Variants in PEMT observed in about 807,000 individuals in gnomAD.
PEMT encodes phosphatidylethanolamine N-methyltransferase, also known as phospholipid methyltransferase.
In PEMT, 23 loss-of-function variants were observed where a neutral mutation model predicts 27.4. The observed-to-expected ratio is 0.84, with a 90% CI of 0.60 to 1.19. The LOEUF (loss-of-function observed/expected upper bound fraction) is 1.19. PEMT is among the 50% of genes most tolerant of loss of function. PEMT has a pLI of 0.00. For synonymous variants in PEMT, 137 were observed against 139.1 expected (o/e 0.98, Z 0.11); for missense variants, 307 against 310.1 (o/e 0.99, Z 0.07).
intron 2 of PEMT, among the ~76,000 whole-genome samples, chr17:17,538,450 G>A (rs1243140609): frequency 6.6e-6 from 1 of 152,174 alleles, no homozygotes; most frequent in Non-Finnish European, 1.5e-5. Flanking sequence ...AGCTACTTGA[G>A]AGGCTGAGGC....
chr17:17,589,841 A>T (rs1912503076), intron 1 of PEMT, among the ~76,000 whole-genome samples: 1 of 152,212 alleles, frequency 6.6e-6, no homozygotes, highest in South Asian at 2.1e-4. Context: ...GCAGAAGAAA[A>T]GCAGAATGTT....
At chr17:17,547,781 C>T (rs797005996) in intron 2 of PEMT, among the ~76,000 whole-genome samples, 21 of 152,190 alleles carry the variant, frequency 1.4e-4, no homozygotes, top group African/African-American at 4.1e-4. Context: ...TCCAAGCGCC[C>T]GTGAACTGAA....
intron 2 of PEMT, among the ~76,000 whole-genome samples, chr17:17,540,625 G>A (rs1244518702): frequency 6.6e-6 from 1 of 152,210 alleles, no homozygotes; most frequent in African/African-American, 2.4e-5. Flanking sequence ...GCTGCAGGAT[G>A]AGAGGCCCCA....
chr17:17,529,771 T>C (rs1253170965), intron 2 of PEMT, among the ~76,000 whole-genome samples: 2 of 152,088 alleles, frequency 1.3e-5, no homozygotes, highest in African/African-American at 2.4e-5. Context: ...GAAAGAGCAA[T>C]AGGAACATGG....
chr17:17,516,903 C>T lies in PEMT; in HGVS notation c.321-4249G>A, dbSNP rs557976184. On this transcript the variant is annotated intron_variant, in intron 3 of 6. Coordinates refer to ENST00000255389, the MANE Select transcript of PEMT (RefSeq NM_148172.3). Reference sequence around the variant, plus strand: ...CCCAGTGGCTACCCCAGGCACCTGCCTCGAGGAAATCACTCTGGTGAAGGG... The same window carrying T: ...CCCAGTGGCTACCCCAGGCACCTGCTTCGAGGAAATCACTCTGGTGAAGGG... 4.2e-3 allele frequency among the ~76,000 whole-genome samples: 642 copies of T among 152,250 alleles called. 5 individuals are homozygous for T. The highest frequency in any genetic ancestry group is 0.015 in the African/African-American group (612 of 41,538).
chr17:17,550,108 C>G (rs1260739289), intron 2 of PEMT, among the ~76,000 whole-genome samples: 1 of 152,212 alleles, frequency 6.6e-6, no homozygotes, highest in East Asian at 1.9e-4. Context: ...GAGACTCTCT[C>G]TCCTCGCCAG....
At position 17,512,046 on chromosome 17, in the gene PEMT, C is replaced by T. The variant is rs148613260; in HGVS notation, c.466+463G>A. On this transcript the variant is annotated intron_variant, in intron 4 of 6. Coordinates refer to ENST00000255389, the MANE Select transcript of PEMT (RefSeq NM_148172.3). This position sits in a 1 kb window ranked among gnomAD's most constrained non-coding sequence, Gnocchi z 6.3. ...CACCAGCCCTGCCTGCGGCCAAACACGGCACAAACCACAATCCTGCCTGGC... is the reference window on the plus strand; with the variant it reads ...CACCAGCCCTGCCTGCGGCCAAACATGGCACAAACCACAATCCTGCCTGGC... 3.7e-3 allele frequency among the ~76,000 whole-genome samples: 567 copies of T among 152,284 alleles called. 4 individuals are homozygous for T. The highest frequency in any genetic ancestry group is 0.013 in the African/African-American group (536 of 41,566).
intron 2 of PEMT, among the ~76,000 whole-genome samples, chr17:17,531,620 G>GAAAAAAAAAAAAA (rs1567689662): frequency 4.9e-5 from 1 of 20,472 alleles, no homozygotes; most frequent in Non-Finnish European, 8.3e-5. Flanking sequence ...GCTATCATAT[G>GAAAAAAAAAAAAA]CAAAAAAAAA....
At chr17:17,514,116 T>C (rs1022524494) in intron 3 of PEMT, among the ~76,000 whole-genome samples, 1 of 152,174 alleles carries the variant, frequency 6.6e-6, no homozygotes, top group African/African-American at 2.4e-5. Flanking sequence ...CACCATGAAG[T>C]ATCTTTGTTT....
At chr17:17,550,217 G>A (rs537597215) in intron 2 of PEMT, among the ~76,000 whole-genome samples, 5 of 152,280 alleles carry the variant, frequency 3.3e-5, no homozygotes, top group African/African-American at 1.2e-4. Flanking sequence ...ACAGACGTTC[G>A]TGGTTCTCTG....
Position 17,591,657 on chromosome 17 carries a change from G to A in PEMT, c.-31C>T, listed in dbSNP as rs1447612072. 1 of 1,597,088 alleles carries A rather than the reference G, an allele frequency of 6.3e-7. No individual in the cohort carries two copies. Among genetic ancestry groups the A allele is most frequent in the Non-Finnish European group, 8.5e-7 (1 of 1,172,398 alleles). On this transcript the variant is annotated 5_prime_UTR_variant, in exon 1 of 7. Coordinates refer to ENST00000255389, the MANE Select transcript of PEMT (RefSeq NM_148172.3). ...GGCCGCCTCAGGAGGCACCACGCGG[G>A]CCCCGCTGCAGCCACGCGCCCCCGG... is the stretch of plus-strand genomic sequence containing the variant.
intron 2 of PEMT, among the ~76,000 whole-genome samples, chr17:17,554,519 G>A (rs747624815): frequency 6.6e-6 from 1 of 152,260 alleles, no homozygotes; most frequent in Admixed American, 6.5e-5. Flanking sequence ...CGTGAGCTGC[G>A]AGCGGCACAG....
intron 2 of PEMT, among the ~76,000 whole-genome samples, chr17:17,552,921 C>T (rs972437022): frequency 6.6e-6 from 1 of 152,208 alleles, no homozygotes; most frequent in Non-Finnish European, 1.5e-5. Flanking sequence ...CCCTTTCCCC[C>T]AGGCCAGGAG....
At chr17:17,576,786 G>A (rs998867366) in intron 2 of PEMT, 134 bp downstream of exon 2, 1 of 716,570 alleles carries the variant, frequency 1.4e-6, no homozygotes, top group Non-Finnish European at 2.5e-6. Flanking sequence ...ACCAGCCAGC[G>A]ACAGACACGG....
rs1179151873 is a variant in PEMT, at chr17:17,521,879, T to A, written c.320+401A>T. On this transcript the variant is annotated intron_variant, in intron 3 of 6. Coordinates refer to ENST00000255389, the MANE Select transcript of PEMT (RefSeq NM_148172.3). ...ACCACGCCCGGCCTCAAAGAAGCTT[T>A]CTGACGCTGATTCAAACCTAACCTG... is the stretch of plus-strand genomic sequence containing the variant. Among the ~76,000 whole-genome samples, 4 of 152,154 alleles carry A rather than the reference T, an allele frequency of 2.6e-5. No individual in the cohort carries two copies. The East Asian group carries it at 7.7e-4, about 29-fold the overall frequency.
intron 2 of PEMT, among the ~76,000 whole-genome samples, chr17:17,524,701 C>T (rs1028714681): frequency 2.0e-5 from 3 of 152,048 alleles, no homozygotes; most frequent in African/African-American, 4.8e-5. Flanking sequence ...ACCACTGTAC[C>T]CCAGCCTGAA....
At chr17:17,555,228 C>G (rs912759104) in intron 2 of PEMT, among the ~76,000 whole-genome samples, 2 of 152,150 alleles carry the variant, frequency 1.3e-5, no homozygotes, top group Non-Finnish European at 2.9e-5. Flanking sequence ...GCACTGTACC[C>G]ACCCCCAAGA....
chr17:17,575,137 G>A (rs958117768), intron 2 of PEMT, among the ~76,000 whole-genome samples: 1 of 152,202 alleles, frequency 6.6e-6, no homozygotes, highest in African/African-American at 2.4e-5. Context: ...GAGGCTCTGG[G>A]GGAGACTCCA....
intron 2 of PEMT, among the ~76,000 whole-genome samples, chr17:17,555,316 G>A (rs1909975801): frequency 6.6e-6 from 1 of 152,188 alleles, no homozygotes; most frequent in Non-Finnish European, 1.5e-5. Flanking sequence ...GACACTTTCT[G>A]CTACGGCCAG....
Sources: allele counts gnomAD v4.1 joint callset (sites outside exome capture counted in the v4.1 genomes callset), GRCh38; gene constraint gnomAD v4.1.1; non-coding constraint Gnocchi (gnomAD v3.1); transcripts MANE v1.5; gene names NCBI Gene and HGNC (gene_info 2026-07-23, HGNC 2026-07-21).